REDIC1: variants seen among roughly 807,000 people sequenced by gnomAD.
The protein encoded by REDIC1 is regulator of DNA class I crossover intermediates 1.
At chr12:39,730,333 C>T in the REDIC1 span, among the ~76,000 whole-genome samples, 1 of 152,180 alleles carries the variant, frequency 6.6e-6, no homozygotes, top group East Asian at 1.9e-4. Context: ...TCTTCAGGAC[C>T]TCTTGTAAGG....
chr12:39,897,277 G>C, the REDIC1 span, among the ~76,000 whole-genome samples: 1 of 152,124 alleles, frequency 6.6e-6, no homozygotes, highest in Non-Finnish European at 1.5e-5. Flanking sequence ...TTAAAAGAAC[G>C]TGGTTATGCT....
At chr12:39,764,746 AG>A in the REDIC1 span, 1 of 1,612,464 alleles carries the variant, frequency 6.2e-7, no homozygotes, top group Non-Finnish European at 8.5e-7. Flanking sequence ...CCAGGTGCAA[AG>A]AAGACAAGAT....
chr12:39,712,213 T>C, the REDIC1 span, among the ~76,000 whole-genome samples: 3 of 14,194 alleles, frequency 2.1e-4, no homozygotes, highest in South Asian at 1.6e-3. Context: ...TACATATGTA[T>C]ATATACATGT....
At chr12:39,733,466 C>A in the REDIC1 span, among the ~76,000 whole-genome samples, 1 of 151,930 alleles carries the variant, frequency 6.6e-6, no homozygotes, top group African/African-American at 2.4e-5. Flanking sequence ...CTGTCAAATT[C>A]TTTGTCTTTT....
At chr12:39,676,215 G>A in the REDIC1 span, among the ~76,000 whole-genome samples, 7 of 151,794 alleles carry the variant, frequency 4.6e-5, no homozygotes, top group Admixed American at 3.9e-4. Context: ...ACCAGATATG[G>A]ATGAAAAGGT....
the REDIC1 span, among the ~76,000 whole-genome samples, chr12:39,766,187 T>A: frequency 6.6e-6 from 1 of 152,096 alleles, no homozygotes; most frequent in Non-Finnish European, 1.5e-5. Context: ...TGGATTATCC[T>A]TTCAGTATTC....
the REDIC1 span, among the ~76,000 whole-genome samples, chr12:39,712,854 T>A: frequency 1.4e-5 from 1 of 69,146 alleles, no homozygotes; most frequent in Non-Finnish European, 4.3e-5. Flanking sequence ...TATATACACA[T>A]ATGTATATAC....
the REDIC1 span, among the ~76,000 whole-genome samples, chr12:39,713,839 G>A: frequency 5.0e-5 from 7 of 138,732 alleles, no homozygotes; most frequent in African/African-American, 1.3e-4. Flanking sequence ...GTATATACAC[G>A]TATATATATG....
the REDIC1 span, among the ~76,000 whole-genome samples, chr12:39,711,538 T>TGC: frequency 2.9e-4 from 33 of 114,056 alleles, no homozygotes; most frequent in African/African-American, 9.7e-4. Context: ...TGTATATACA[T>TGC]ATATGTATGT....
At chr12:39,664,538 G>A in the REDIC1 span, among the ~76,000 whole-genome samples, 2 of 152,112 alleles carry the variant, frequency 1.3e-5, no homozygotes, top group Non-Finnish European at 1.5e-5. Context: ...ATAAACATAC[G>A]TGTGCATGTG....
At chr12:39,730,364 A>G in the REDIC1 span, among the ~76,000 whole-genome samples, 3 of 151,914 alleles carry the variant, frequency 2.0e-5, no homozygotes, top group African/African-American at 7.3e-5. Context: ...GGTGACAAAA[A>G]TTTTTCAGCA....
At chr12:39,802,839 T>C in the REDIC1 span, among the ~76,000 whole-genome samples, 12 of 152,140 alleles carry the variant, frequency 7.9e-5, no homozygotes, top group East Asian at 1.2e-3. Context: ...AAATATTATA[T>C]CAGATTGAGA....
the REDIC1 span, among the ~76,000 whole-genome samples, chr12:39,663,667 A>G: frequency 1.3e-5 from 2 of 151,832 alleles, no homozygotes; most frequent in African/African-American, 4.8e-5. Flanking sequence ...CTCTCTTACT[A>G]TATATATTAA....
the REDIC1 span, among the ~76,000 whole-genome samples, chr12:39,633,883 A>G: frequency 1.3e-5 from 2 of 152,190 alleles, no homozygotes; most frequent in African/African-American, 2.4e-5. Context: ...CTTGTCAGCA[A>G]TTACATTTTA....
At chr12:39,896,212 A>G in the REDIC1 span, among the ~76,000 whole-genome samples, 1 of 148,526 alleles carries the variant, frequency 6.7e-6, no homozygotes, top group South Asian at 2.1e-4. Context: ...ATACATGTAT[A>G]TACGTATACA....
chr12:39,797,749 C>T, the REDIC1 span, among the ~76,000 whole-genome samples: 11 of 152,106 alleles, frequency 7.2e-5, no homozygotes, highest in African/African-American at 1.9e-4. Flanking sequence ...CACACACACA[C>T]ACACACACAC....
chr12:39,825,134 G>A, the REDIC1 span, among the ~76,000 whole-genome samples: 1 of 152,082 alleles, frequency 6.6e-6, no homozygotes, highest in African/African-American at 2.4e-5. Context: ...TCTAATTACA[G>A]AGCTAAAGTG....
the REDIC1 span, among the ~76,000 whole-genome samples, chr12:39,702,311 C>T: frequency 4.7e-3 from 711 of 152,222 alleles, 3 homozygotes; most frequent in African/African-American, 0.017. Context: ...AACACCTCTA[C>T]CCAAGTAAAC....
chr12:39,710,336 C>A, the REDIC1 span, among the ~76,000 whole-genome samples: 1 of 151,806 alleles, frequency 6.6e-6, no homozygotes, highest in Non-Finnish European at 1.5e-5. Flanking sequence ...AATGTACATA[C>A]AGGCAAAAAT....
Sources: allele counts gnomAD v4.1 joint callset (sites outside exome capture counted in the v4.1 genomes callset), GRCh38; gene constraint gnomAD v4.1.1; transcripts MANE v1.5; gene names NCBI Gene and HGNC (gene_info 2026-07-23, HGNC 2026-07-21).